CD1B: variants seen among roughly 807,000 people sequenced by gnomAD.
CD1B encodes the protein CD1b molecule.
In CD1B, 43 loss-of-function variants were observed where a neutral mutation model predicts 39.8. That is an observed-to-expected ratio of 1.08 (90% CI 0.85 to 1.39). CD1B has a LOEUF of 1.39. Among genes scored for constraint, CD1B ranks in the 40% most tolerant of loss-of-function variants. CD1B has a pLI of 0.00. For synonymous variants in CD1B, 192 were observed against 152.5 expected (o/e 1.26, Z -1.91); for missense variants, 495 against 403.8 (o/e 1.23, Z -1.94).
At chr1:158,320,753 A>AT in the CD1B span, among the ~76,000 whole-genome samples, 15 of 150,712 alleles carry the variant, frequency 1.0e-4, no homozygotes, top group Non-Finnish European at 1.8e-4. Context: ...TTTCTTTTTG[A>AT]TTTTTTTCAC....
At chr1:158,309,887 C>T in the CD1B span, among the ~76,000 whole-genome samples, 26 of 151,904 alleles carry the variant, frequency 1.7e-4, no homozygotes, top group African/African-American at 5.1e-4. Context: ...TATTAAATAA[C>T]GAGTCAATGG....
the CD1B span, among the ~76,000 whole-genome samples, chr1:158,322,160 GTA>G: frequency 6.6e-6 from 1 of 151,822 alleles, no homozygotes; most frequent in East Asian, 1.9e-4. Context: ...TTGTATTTTT[GTA>G]TTCATACTAA....
chr1:158,293,651 C>A, the CD1B span: 86 of 1,461,238 alleles, frequency 5.9e-5, no homozygotes, highest in Non-Finnish European at 7.4e-5. Context: ...GGAATCTCCA[C>A]TTTTTATATA....
the CD1B span, among the ~76,000 whole-genome samples, chr1:158,311,316 G>A: frequency 9.2e-5 from 14 of 152,068 alleles, no homozygotes; most frequent in African/African-American, 2.4e-4. Context: ...TTGGTCATTC[G>A]TATGTCTTCT....
chr1:158,305,061 C>T, the CD1B span, among the ~76,000 whole-genome samples: 1 of 152,148 alleles, frequency 6.6e-6, no homozygotes, highest in South Asian at 2.1e-4. Context: ...CAGCTCCTCA[C>T]CAGCAGTGGA....
At chr1:158,329,767 T>TG in intron 3 of CD1B, 85 bp downstream of exon 3, 2 of 1,551,288 alleles carry the variant, frequency 1.3e-6, no homozygotes, top group Non-Finnish European at 1.7e-6. Flanking sequence ...CCAAATAACT[T>TG]GTTATTTAAG....
At chr1:158,318,989 G>T in the CD1B span, among the ~76,000 whole-genome samples, 1 of 151,808 alleles carries the variant, frequency 6.6e-6, no homozygotes, top group East Asian at 1.9e-4. Context: ...TTGAATATTG[G>T]CCCCCACTCT....
At chr1:158,314,282 A>G in the CD1B span, among the ~76,000 whole-genome samples, 2 of 152,072 alleles carry the variant, frequency 1.3e-5, no homozygotes, top group Admixed American at 1.3e-4. Flanking sequence ...ATGGGGTTTC[A>G]CCATGTTGCT....
At chr1:158,311,421 T>A in the CD1B span, among the ~76,000 whole-genome samples, 13 of 152,316 alleles carry the variant, frequency 8.5e-5, no homozygotes, top group East Asian at 2.3e-3. Flanking sequence ...ATATTCTGGA[T>A]CTTAATCCCT....
the CD1B span, among the ~76,000 whole-genome samples, chr1:158,314,691 T>A: frequency 5.9e-5 from 9 of 152,134 alleles, no homozygotes; most frequent in African/African-American, 1.9e-4. Context: ...AGTTTTAGGG[T>A]AATGTGCACA....
At chr1:158,325,454 A>AATAG (rs1353342039), downstream of CD1B, among the ~76,000 whole-genome samples, 1 of 152,198 alleles carries the variant, frequency 6.6e-6, no homozygotes, top group Non-Finnish European at 1.5e-5. Context: ...TAAATAAATA[A>AATAG]ATAGATGCAG....
intron 1 of CD1B, 104 bp downstream of exon 1, chr1:158,331,255 CAGAA>C: frequency 8.5e-7 from 1 of 1,171,254 alleles, no homozygotes; most frequent in Admixed American, 1.9e-5. Context: ...GGGCGGGAGA[CAGAA>C]AGACCCAGAC....
the CD1B span, among the ~76,000 whole-genome samples, chr1:158,287,400 C>T: frequency 6.9e-4 from 105 of 152,258 alleles, no homozygotes; most frequent in African/African-American, 2.4e-3. Flanking sequence ...CCTATTGGAT[C>T]AGGGTCTTAC....
chr1:158,314,250 AATTTTTGT>A, the CD1B span, among the ~76,000 whole-genome samples: 1 of 151,958 alleles, frequency 6.6e-6, no homozygotes, highest in African/African-American at 2.4e-5. Flanking sequence ...ACAATCAGCT[AATTTTTGT>A]ATTTTTAGTA....
At chr1:158,295,676 C>T in the CD1B span, among the ~76,000 whole-genome samples, 1 of 152,074 alleles carries the variant, frequency 6.6e-6, no homozygotes, top group South Asian at 2.1e-4. Context: ...CTAGACTGAT[C>T]TGAGCCCCCC....
At position 158,330,107 on chromosome 1, in the gene CD1B, C is replaced by A; in HGVS notation, c.352G>T (p.Ala118Ser). 1.2e-6 allele frequency: 2 copies of A among 1,613,474 alleles called. No individual in the cohort carries two copies. Among genetic ancestry groups the A allele is most frequent in the Non-Finnish European group, 1.7e-6 (2 of 1,179,676 alleles). ...CCTCCAGAATGTAGCTCACAGCCTG[C>A]TATGCCCTGGATCTCAAAGGGGTCT... Reference protein sequence around the residue: ...MKYPFEIQGIAGCELHSGGAI... With the variant: ...MKYPFEIQGISGCELHSGGAI... Residue 118 changes from alanine (A) to serine (S), a missense_variant, in exon 3 of 6, where the codon GCA (alanine) becomes TCA (serine). By Grantham distance (99) the Ala-to-Ser change is moderately conservative. Transcript: ENST00000368168.
At chr1:158,330,673 G>T in intron 2 of CD1B, 123 bp downstream of exon 2, 1 of 939,696 alleles carries the variant, frequency 1.1e-6, no homozygotes. Flanking sequence ...CTCAAGAAAA[G>T]CATGTGCGTG....
At chr1:158,303,365 T>C in the CD1B span, among the ~76,000 whole-genome samples, 1 of 152,160 alleles carries the variant, frequency 6.6e-6, no homozygotes, top group Non-Finnish European at 1.5e-5. Context: ...CTTTGAAAAC[T>C]AGAACAAGGC....
chr1:158,303,398 G>A, the CD1B span, among the ~76,000 whole-genome samples: 6 of 152,122 alleles, frequency 3.9e-5, no homozygotes, highest in South Asian at 6.2e-4. Context: ...TCTTACCACT[G>A]CTATTCAACA....
Sources: allele counts gnomAD v4.1 joint callset (sites outside exome capture counted in the v4.1 genomes callset), GRCh38; gene constraint gnomAD v4.1.1; transcripts MANE v1.5; gene names NCBI Gene and HGNC (gene_info 2026-07-23, HGNC 2026-07-21).